The following CSMD2 variants were observed in gnomAD, a reference collection of about 807,000 sequenced individuals.
CSMD2 encodes the protein CUB and Sushi multiple domains 2.
A neutral mutation model predicts 398.5 loss-of-function variants in CSMD2; 130 were observed. The ratio of observed to expected loss-of-function variants is 0.33; its 90% confidence interval spans 0.28 to 0.38. The LOEUF (loss-of-function observed/expected upper bound fraction) is 0.38. Among genes scored for constraint, CSMD2 ranks in the 10% least tolerant of loss-of-function variants. CSMD2 has a pLI of 1.00. For synonymous variants in CSMD2, 1,828 were observed against 1,908.5 expected (o/e 0.96, Z 1.10); for missense variants, 3,829 against 4,764.9 (o/e 0.80, Z 5.78).
At chr1:33,864,356 T>G in intron 5 of CSMD2, 1 of 1,614,018 alleles carries the variant, frequency 6.2e-7, no homozygotes. Flanking sequence ...TCTCAAAGCA[T>G]GAAAAGGCCA....
intron 23 of CSMD2, 133 bp downstream of exon 23, chr1:33,700,384 T>G: frequency 3.4e-6 from 3 of 873,172 alleles, no homozygotes; most frequent in Non-Finnish European, 5.4e-6. Flanking sequence ...CATCCACTGA[T>G]GGATACATAT....
chr1:33,910,260 C>T (rs986689635), intron 5 of CSMD2, among the ~76,000 whole-genome samples: 110 of 152,196 alleles, frequency 7.2e-4, no homozygotes, highest in Admixed American at 7.1e-3. Context: ...CTGGTCCATG[C>T]TCCTCCTGTG....
At chr1:34,092,246 T>A (rs899995159) in intron 1 of CSMD2, among the ~76,000 whole-genome samples, 3 of 152,212 alleles carry the variant, frequency 2.0e-5, no homozygotes, top group Non-Finnish European at 2.9e-5. Context: ...CTTGAGTGGA[T>A]ACAGAAAGGT....
chr1:33,630,215 ATAACTC>A (rs529630710), intron 32 of CSMD2, among the ~76,000 whole-genome samples: 113 of 152,174 alleles, frequency 7.4e-4, no homozygotes, highest in Admixed American at 6.7e-3. Context: ...AATCCTTACT[ATAACTC>A]TAAATCTATA....
intron 38 of CSMD2, among the ~76,000 whole-genome samples, 191 bp downstream of exon 38, chr1:33,617,308 G>A (rs1641458036): frequency 6.6e-6 from 1 of 152,214 alleles, no homozygotes; most frequent in South Asian, 2.1e-4. Context: ...ATTGGAGGTT[G>A]GCTTGTGCCA....
chr1:34,138,325 A>G (rs898055080), intron 1 of CSMD2, among the ~76,000 whole-genome samples: 3 of 152,206 alleles, frequency 2.0e-5, no homozygotes, highest in African/African-American at 7.2e-5. Flanking sequence ...CTTGATCACA[A>G]GCTTGTCACT....
intron 5 of CSMD2, among the ~76,000 whole-genome samples, chr1:33,851,475 G>A (rs1360019355): frequency 5.8e-4 from 89 of 152,274 alleles, no homozygotes; most frequent in Non-Finnish European, 1.3e-4. Flanking sequence ...AAATATAGGA[G>A]GTCCTCACCA....
intron 44 of CSMD2, among the ~76,000 whole-genome samples, chr1:33,590,818 T>C (rs1203285414): frequency 1.3e-5 from 2 of 151,992 alleles, no homozygotes; most frequent in Non-Finnish European, 2.9e-5. Context: ...TGTGTGAACA[T>C]GTTAACTCGT....
intron 64 of CSMD2, among the ~76,000 whole-genome samples, chr1:33,528,559 A>T (rs1654985057): frequency 6.6e-6 from 1 of 152,232 alleles, no homozygotes; most frequent in African/African-American, 2.4e-5. Flanking sequence ...GTTTCATAAG[A>T]TGAATGGAGC....
At chr1:33,946,257 C>T (rs765400607) in intron 3 of CSMD2, among the ~76,000 whole-genome samples, 4 of 152,160 alleles carry the variant, frequency 2.6e-5, no homozygotes, top group South Asian at 2.1e-4. Context: ...AATTGTTCTG[C>T]GAAACACATT....
At chr1:33,876,677 C>T (rs1014658684) in intron 5 of CSMD2, among the ~76,000 whole-genome samples, 3 of 152,184 alleles carry the variant, frequency 2.0e-5, no homozygotes, top group African/African-American at 7.2e-5. Flanking sequence ...ACTCAGGCAT[C>T]CTGGCTGCAG....
intron 13 of CSMD2, among the ~76,000 whole-genome samples, chr1:33,767,498 T>C (rs527343889): frequency 6.6e-6 from 1 of 152,320 alleles, no homozygotes; most frequent in East Asian, 1.9e-4. Flanking sequence ...CATGAGATTG[T>C]CCCTTTAACC....
chr1:33,516,905 G>GA (rs3043317), intron 70 of CSMD2, among the ~76,000 whole-genome samples: 61 of 149,936 alleles, frequency 4.1e-4, no homozygotes, highest in South Asian at 4.2e-4. Flanking sequence ...AAAATCAGAT[G>GA]AAAAAAAAAA....
At position 33,611,213 on chromosome 1, in the gene CSMD2, G is replaced by A. The variant is rs758874919; in HGVS notation, c.6171C>T (p.Pro2057=). Residue 2057 remains proline (P), a synonymous_variant, in exon 41 of 71, where the codon CCC becomes CCT. Transcript: ENST00000373381. Reference sequence around the variant, plus strand: ...TCCGGATTTCTATGTAGTCGTGGTTGGGCTCGGTGGAGAAGTTCAGGAACT... The same window carrying A: ...TCCGGATTTCTATGTAGTCGTGGTTAGGCTCGGTGGAGAAGTTCAGGAACT... ...HIQFLNFSTE[P]NHDYIEIRNG... is the part of the protein sequence containing the mutation. The A allele has an allele frequency of 3.1e-6, 5 of 1,613,966 alleles. No homozygotes were observed. Among genetic ancestry groups the A allele is most frequent in the South Asian group, 1.1e-5 (1 of 91,052 alleles).
chr1:33,579,740 G>T (rs113029249), intron 48 of CSMD2, among the ~76,000 whole-genome samples: 1 of 151,202 alleles, frequency 6.6e-6, no homozygotes, highest in Non-Finnish European at 1.5e-5. Flanking sequence ...GTGCAGTAGC[G>T]TGATCTCGGC....
chr1:33,656,407 C>G (rs1643947830), intron 27 of CSMD2, among the ~76,000 whole-genome samples: 1 of 152,218 alleles, frequency 6.6e-6, no homozygotes, highest in African/African-American at 2.4e-5. Flanking sequence ...AAGAACTCAG[C>G]TGGATCTGAA....
At chr1:33,556,096 A>G (rs1657942685) in intron 55 of CSMD2, among the ~76,000 whole-genome samples, 1 of 152,210 alleles carries the variant, frequency 6.6e-6, no homozygotes, top group Non-Finnish European at 1.5e-5. Context: ...GAGCCTGAAT[A>G]TGTGACTGAA....
chr1:34,092,739 A>G (rs1273598508), intron 1 of CSMD2, among the ~76,000 whole-genome samples: 153 of 152,324 alleles, frequency 1.0e-3, no homozygotes, highest in African/African-American at 3.6e-3. Flanking sequence ...TATATCCCGC[A>G]CCTGGCTCGG....
intron 1 of CSMD2, among the ~76,000 whole-genome samples, chr1:34,092,791 A>G (rs1296796282): frequency 1.3e-5 from 2 of 152,194 alleles, no homozygotes; most frequent in East Asian, 1.9e-4. Context: ...CTAGCACAGC[A>G]GTCTGAGATC....
Sources: allele counts gnomAD v4.1 joint callset (sites outside exome capture counted in the v4.1 genomes callset), GRCh38; gene constraint gnomAD v4.1.1; transcripts MANE v1.5; gene names NCBI Gene and HGNC (gene_info 2026-07-23, HGNC 2026-07-21).